Variants in DDX10 observed in about 807,000 individuals in gnomAD.
The protein encoded by DDX10 is DEAD-box helicase 10.
In DDX10, 74 loss-of-function variants were observed where a neutral mutation model predicts 104.3. That is an observed-to-expected ratio of 0.71 (90% CI 0.59 to 0.86). The LOEUF (loss-of-function observed/expected upper bound fraction) is 0.86, where lower values mean the gene tolerates loss of function less well. DDX10 is among the 40% of genes least tolerant of loss of function. The probability of loss-of-function intolerance (pLI) is 0.00; values close to 1 mark genes in which losing one functional copy is unlikely to be tolerated. For synonymous variants in DDX10, 351 were observed against 353.4 expected, an observed-to-expected ratio of 0.99 and a Z score of 0.08; for missense variants, 952 against 1,040.0, an observed-to-expected ratio of 0.92 and a Z score of 1.16.
At chr11:108,827,068 C>G (rs1862405431) in intron 13 of DDX10, among the ~76,000 whole-genome samples, 1 of 152,164 alleles carries the variant, frequency 6.6e-6, no homozygotes, top group East Asian at 1.9e-4. Flanking sequence ...TTTGAACAAA[C>G]TGCTAAATTA....
At chr11:108,818,401 A>G (rs1862283124) in intron 13 of DDX10, among the ~76,000 whole-genome samples, 1 of 152,178 alleles carries the variant, frequency 6.6e-6, no homozygotes, top group South Asian at 2.1e-4. Context: ...TGGTCTTTTT[A>G]TAGGAAGTTT....
At chr11:108,671,985 C>T (rs139925693) in intron 1 of DDX10, among the ~76,000 whole-genome samples, 2,313 of 146,936 alleles carry the variant, frequency 0.016, 58 homozygotes, top group African/African-American at 0.055. Context: ...GGCGTGAACC[C>T]GGGAGGTGGA....
chr11:108,706,284 T>C (rs2094276125), intron 9 of DDX10, among the ~76,000 whole-genome samples: 1 of 152,162 alleles, frequency 6.6e-6, no homozygotes, highest in Non-Finnish European at 1.5e-5. Flanking sequence ...ACAGATCTAT[T>C]TCTTATAACT....
At chr11:108,824,461 T>A (rs1862369136) in intron 13 of DDX10, among the ~76,000 whole-genome samples, 1 of 152,194 alleles carries the variant, frequency 6.6e-6, no homozygotes. Flanking sequence ...TTTTATTTTT[T>A]ATTTTTATTT....
At chr11:108,932,991 C>T (rs1227741440) in intron 17 of DDX10, among the ~76,000 whole-genome samples, 6 of 151,958 alleles carry the variant, frequency 3.9e-5, no homozygotes, top group African/African-American at 1.2e-4. Context: ...CATTTGTTGG[C>T]TGTGCTACAT....
chr11:108,731,634 T>A (rs1210693717), intron 13 of DDX10, among the ~76,000 whole-genome samples: 3 of 151,838 alleles, frequency 2.0e-5, no homozygotes, highest in Admixed American at 1.3e-4. Context: ...ATTGCTGGAC[T>A]CAAACCATCC....
chr11:108,752,107 G>A (rs2094339454), intron 13 of DDX10, among the ~76,000 whole-genome samples: 2 of 152,196 alleles, frequency 1.3e-5, no homozygotes, highest in South Asian at 4.2e-4. Context: ...GAATTATATG[G>A]GTTGTGAAGA....
At chr11:108,770,400 CT>C (rs1011687554) in intron 13 of DDX10, among the ~76,000 whole-genome samples, 13 of 150,944 alleles carry the variant, frequency 8.6e-5, no homozygotes, top group South Asian at 2.1e-4. Flanking sequence ...TTTCTAACCA[CT>C]TTTTTTTTGT....
intron 13 of DDX10, among the ~76,000 whole-genome samples, chr11:108,814,914 T>C (rs1246510451): frequency 6.6e-6 from 1 of 152,168 alleles, no homozygotes. Flanking sequence ...TCTGGGAGCA[T>C]AGATGAGGGC....
intron 13 of DDX10, among the ~76,000 whole-genome samples, chr11:108,836,471 A>G (rs1372739851): frequency 6.6e-6 from 1 of 152,084 alleles, no homozygotes. Flanking sequence ...GTTATTTTTA[A>G]TTGCATGGTG....
intron 11 of DDX10, among the ~76,000 whole-genome samples, chr11:108,717,896 T>C (rs535292023): frequency 6.6e-6 from 1 of 152,284 alleles, no homozygotes; most frequent in South Asian, 2.1e-4. Context: ...GGGTGGCTCA[T>C]GCCTATAATC....
intron 16 of DDX10, among the ~76,000 whole-genome samples, chr11:108,912,973 T>G (rs1863699767): frequency 6.6e-6 from 1 of 152,084 alleles, no homozygotes; most frequent in African/African-American, 2.4e-5. Context: ...TTGTCCTGCC[T>G]TTTTGGACAG....
chr11:108,822,310 A>G (rs891913788), intron 13 of DDX10: 2 of 300,268 alleles, frequency 6.7e-6, no homozygotes, highest in African/African-American at 4.5e-5. Context: ...CTGTTTTGTA[A>G]TAAATAAGGC....
At chr11:108,883,393 G>C (rs4497371) in intron 16 of DDX10, among the ~76,000 whole-genome samples, 92,072 of 151,868 alleles carry the variant, frequency 0.61, 28,060 homozygotes, top group Non-Finnish European at 0.62. Context: ...CGTCCCAACT[G>C]CAGTTTAAGG....
chr11:108,932,300 A>G (rs1370226021), intron 17 of DDX10, among the ~76,000 whole-genome samples: 3 of 151,944 alleles, frequency 2.0e-5, no homozygotes, highest in East Asian at 1.9e-4. Flanking sequence ...AAAGCTTTAT[A>G]TACTTTGCAA....
intron 16 of DDX10, among the ~76,000 whole-genome samples, chr11:108,881,195 A>G (rs1235866565): frequency 6.6e-6 from 1 of 152,200 alleles, no homozygotes. Context: ...TTGTAGCTTA[A>G]TGGTAATATT....
At chr11:108,931,202 A>G (rs927451067) in intron 17 of DDX10, among the ~76,000 whole-genome samples, 1 of 152,248 alleles carries the variant, frequency 6.6e-6, no homozygotes, top group Non-Finnish European at 1.5e-5. Context: ...AAAGACCAAT[A>G]TAATCCAGTT....
intron 13 of DDX10, among the ~76,000 whole-genome samples, chr11:108,768,396 G>C (rs1181700260): frequency 6.6e-6 from 1 of 152,184 alleles, no homozygotes; most frequent in African/African-American, 2.4e-5. Flanking sequence ...TTGTTTATTA[G>C]TTGAGTTAAC....
At chr11:108,788,609 C>T (rs942520641) in intron 13 of DDX10, among the ~76,000 whole-genome samples, 2 of 152,338 alleles carry the variant, frequency 1.3e-5, no homozygotes, top group Admixed American at 6.5e-5. Context: ...GTGATCCCCC[C>T]ACCTTGGTCT....
Sources: allele counts gnomAD v4.1 joint callset (sites outside exome capture counted in the v4.1 genomes callset), GRCh38; gene constraint gnomAD v4.1.1; transcripts MANE v1.5; gene names NCBI Gene and HGNC (gene_info 2026-07-23, HGNC 2026-07-21).